Variants in ATXN7L1 observed in about 807,000 individuals in gnomAD.
ATXN7L1 encodes the protein ataxin 7 like 1.
ATXN7L1 carries 15 observed loss-of-function variants against 70.8 expected under a neutral mutation model. That is an observed-to-expected ratio of 0.21 (90% CI 0.14 to 0.33). The LOEUF is 0.33. Among genes scored for constraint, ATXN7L1 ranks in the 10% least tolerant of loss-of-function variants. ATXN7L1 has a pLI of 1.00. For synonymous variants in ATXN7L1, 440 were observed against 445.1 expected (o/e 0.99, Z 0.14); for missense variants, 975 against 1,097.1 (o/e 0.89, Z 1.57).
chr7:105,620,304 A>G lies in ATXN7L1; in HGVS notation c.1413T>C (p.Ser471=). ...CATAGTACCCTCGTCCCATGAGGCG[A>G]CTCCCAAATGAGCAAAACTGTGAGG... is the stretch of plus-strand genomic sequence containing the variant. The part of the protein sequence containing the change: ...PRPLAFCSFG[S]RLMGRGYYVF... Residue 471 remains serine, a synonymous_variant, in exon 9 of 12, where the codon AGT becomes AGC. Coordinates refer to ENST00000419735, the MANE Select transcript of ATXN7L1 (RefSeq NM_020725.2). 1 of 1,549,696 alleles carries G rather than the reference A, an allele frequency of 6.5e-7. No homozygotes were observed. The highest frequency in any genetic ancestry group is 8.7e-7 in the Non-Finnish European group (1 of 1,146,436).
chr7:105,761,283 C>T, intron 3 of ATXN7L1: 1 of 1,588,260 alleles, frequency 6.3e-7, no homozygotes, highest in Non-Finnish European at 8.6e-7. Flanking sequence ...CTTCAGGGCT[C>T]TGCTGGAGTC....
chr7:105,696,446 TC>T (rs1791716739), intron 3 of ATXN7L1, among the ~76,000 whole-genome samples: 1 of 152,298 alleles, frequency 6.6e-6, no homozygotes, highest in South Asian at 2.1e-4. Context: ...ACATGTGACT[TC>T]TTTGATCATA....
intron 3 of ATXN7L1, among the ~76,000 whole-genome samples, chr7:105,752,020 A>G (rs11772275): frequency 1.3e-5 from 2 of 152,242 alleles, no homozygotes; most frequent in Non-Finnish European, 2.9e-5. Context: ...ATCAGCATTT[A>G]CATGAATTTA....
chr7:105,854,946 T>C (rs1417196825), intron 2 of ATXN7L1, among the ~76,000 whole-genome samples: 1 of 143,410 alleles, frequency 7.0e-6, no homozygotes, highest in Non-Finnish European at 1.5e-5. Context: ...AACTTTCTCT[T>C]TTCTTCTTCT....
intron 3 of ATXN7L1, among the ~76,000 whole-genome samples, chr7:105,730,873 T>C (rs1038339348): frequency 6.6e-6 from 1 of 152,174 alleles, no homozygotes; most frequent in African/African-American, 2.4e-5. Context: ...CGGTTAATAA[T>C]AATGTGTTAA....
At chr7:105,763,974 C>T (rs553948561) in intron 3 of ATXN7L1, among the ~76,000 whole-genome samples, 1 of 152,082 alleles carries the variant, frequency 6.6e-6, no homozygotes, top group African/African-American at 2.4e-5. Context: ...CTGCCCTAGC[C>T]TCCCAAGGAG....
intron 5 of ATXN7L1, among the ~76,000 whole-genome samples, chr7:105,642,432 G>A (rs1223152316): frequency 6.6e-6 from 1 of 152,226 alleles, no homozygotes; most frequent in Non-Finnish European, 1.5e-5. Context: ...CACATGCCTT[G>A]AGGCACCATG....
At chr7:105,654,637 C>T (rs1026211425) in intron 4 of ATXN7L1, among the ~76,000 whole-genome samples, 3 of 152,312 alleles carry the variant, frequency 2.0e-5, no homozygotes, top group South Asian at 2.1e-4. Flanking sequence ...TCTTTAGGCT[C>T]AAATAGGATT....
intron 3 of ATXN7L1, among the ~76,000 whole-genome samples, chr7:105,727,775 T>TATATATATATATAC (rs1554442569): frequency 1.7e-5 from 2 of 115,460 alleles, no homozygotes; most frequent in African/African-American, 3.6e-5. Flanking sequence ...TATATATATA[T>TATATATATATATAC]ATACACACAC....
At chr7:105,662,124 C>T (rs1801810280) in intron 4 of ATXN7L1, among the ~76,000 whole-genome samples, 1 of 137,766 alleles carries the variant, frequency 7.3e-6, no homozygotes, top group Admixed American at 7.9e-5. Flanking sequence ...TTTTTTTAAG[C>T]CAGAGTCTTG....
intron 3 of ATXN7L1, among the ~76,000 whole-genome samples, chr7:105,708,390 C>T (rs1793446974): frequency 6.6e-6 from 1 of 152,202 alleles, no homozygotes; most frequent in African/African-American, 2.4e-5. Flanking sequence ...CTCAATAAAA[C>T]AGCCTCTCCA....
intron 3 of ATXN7L1, among the ~76,000 whole-genome samples, chr7:105,773,118 G>GT (rs989100528): frequency 1.3e-5 from 2 of 152,120 alleles, no homozygotes; most frequent in Admixed American, 6.5e-5. Context: ...CAGTGGTGTG[G>GT]TTTTTTTCCT....
rs1474272287 is a variant in ATXN7L1, at chr7:105,662,095, TC to T, written c.578+2970del. ...CCTTCCTTCCTTCTTTCTTTTCTTTTCTTTTCTTTTCTTTTTTTTTTTTTTA... is the reference window on the plus strand; with the variant it reads ...CCTTCCTTCCTTCTTTCTTTTCTTTTTTTTCTTTTCTTTTTTTTTTTTTTA... On this transcript the variant is annotated intron_variant, in intron 4 of 11. Coordinates refer to ENST00000419735, the MANE Select transcript of ATXN7L1 (RefSeq NM_020725.2). 5.5e-5 allele frequency among the ~76,000 whole-genome samples: 8 copies of T among 145,540 alleles called. No homozygotes were observed. The East Asian group carries it at 6.0e-4, about 11-fold the overall frequency.
intron 7 of ATXN7L1, among the ~76,000 whole-genome samples, chr7:105,631,498 G>T (rs891409523): frequency 6.6e-6 from 1 of 152,180 alleles, no homozygotes; most frequent in African/African-American, 2.4e-5. Flanking sequence ...CTGGAGTCTC[G>T]CTTTGTTGCC....
At chr7:105,617,981 A>G (rs1189424416) in intron 9 of ATXN7L1, 1 of 456,704 alleles carries the variant, frequency 2.2e-6, no homozygotes, top group East Asian at 7.0e-5. Context: ...GCGGGGTGCT[A>G]CGCTCTCCAG....
At chr7:105,795,082 C>G (rs1216711880) in intron 2 of ATXN7L1, among the ~76,000 whole-genome samples, 1 of 152,216 alleles carries the variant, frequency 6.6e-6, no homozygotes, top group Non-Finnish European at 1.5e-5. Context: ...CACAGCCTTC[C>G]TCCCGCTGAA....
intron 3 of ATXN7L1, among the ~76,000 whole-genome samples, chr7:105,732,229 G>A (rs188550460): frequency 5.7e-4 from 87 of 152,210 alleles, no homozygotes; most frequent in African/African-American, 2.0e-3. Flanking sequence ...GACCAACATC[G>A]TGAAACCCTG....
chr7:105,869,177 C>T (rs542574728), intron 2 of ATXN7L1, among the ~76,000 whole-genome samples: 10 of 152,292 alleles, frequency 6.6e-5, no homozygotes, highest in African/African-American at 2.4e-4. Context: ...CGCTCCATCT[C>T]TCCCATCCTT....
intron 3 of ATXN7L1, among the ~76,000 whole-genome samples, chr7:105,777,312 T>C (rs143657112): frequency 3.4e-4 from 52 of 152,306 alleles, no homozygotes; most frequent in African/African-American, 1.2e-3. Context: ...AATGAAGTCA[T>C]CTGTCCTTGG....
Sources: allele counts gnomAD v4.1 joint callset (sites outside exome capture counted in the v4.1 genomes callset), GRCh38; gene constraint gnomAD v4.1.1; transcripts MANE v1.5; gene names NCBI Gene and HGNC (gene_info 2026-07-23, HGNC 2026-07-21).